Variants in RNF212 observed in about 807,000 individuals in gnomAD.
RNF212 encodes probable E3 SUMO-protein ligase RNF212.
RNF212 carries 33 observed loss-of-function variants against 34.7 expected under a neutral mutation model. The observed-to-expected ratio is 0.95, with a 90% CI of 0.72 to 1.27. RNF212 has a LOEUF of 1.27. RNF212 is among the 50% of genes most tolerant of loss of function. RNF212 has a pLI of 0.00. For synonymous variants in RNF212, 140 were observed against 136.1 expected (o/e 1.03, Z -0.20); for missense variants, 377 against 362.2 (o/e 1.04, Z -0.33).
chr4:1,083,275 G>C (rs1245495330), intron 5 of RNF212, among the ~76,000 whole-genome samples: 2 of 152,354 alleles, frequency 1.3e-5, no homozygotes, highest in East Asian at 3.9e-4. Context: ...ATGCAACAAT[G>C]AGCAAGGACT....
intron 4 of RNF212, among the ~76,000 whole-genome samples, chr4:1,088,821 A>G (rs1163940575): frequency 3.9e-5 from 6 of 152,230 alleles, no homozygotes; most frequent in Non-Finnish European, 8.8e-5. Context: ...GCTGCTTCAG[A>G]GGGAGCAAAC....
chr4:1,105,743 T>TA (rs1724711646), intron 2 of RNF212, among the ~76,000 whole-genome samples: 1 of 46,494 alleles, frequency 2.2e-5, no homozygotes, highest in South Asian at 1.6e-3. Flanking sequence ...ATATAAAGCG[T>TA]CCTTCCACCG....
At position 1,077,661 on chromosome 4, in the gene RNF212, C is replaced by T. The variant is rs147955506; in HGVS notation, c.510+1982G>A. The stretch of plus-strand genomic sequence containing the variant: ...GGGACTTGGAGGCTGTGAGTTCATC[C>T]GTGAAACAAGGCCCTAGTGCAGCAA... On this transcript the variant is annotated intron_variant, in intron 8 of 9. Coordinates refer to ENST00000433731, the MANE Select transcript of RNF212 (RefSeq NM_001131034.4). Among the ~76,000 whole-genome samples the T allele has an allele frequency of 4.9e-4, 74 of 152,312 alleles. 1 individual carries two copies. In the East Asian group the frequency reaches 0.011, roughly 22 times the overall value.
intron 8 of RNF212, among the ~76,000 whole-genome samples, chr4:1,078,922 C>CA (rs1560109341): frequency 8.0e-6 from 1 of 125,566 alleles, no homozygotes; most frequent in African/African-American, 3.0e-5. Flanking sequence ...AGGACCAACA[C>CA]GGGACCAACA....
intron 1 of RNF212, among the ~76,000 whole-genome samples, chr4:1,111,215 C>T (rs1042463254): frequency 1.3e-5 from 2 of 152,122 alleles, no homozygotes; most frequent in Admixed American, 6.5e-5. Flanking sequence ...TCTTTACCTC[C>T]TTCAACAAAT....
chr4:1,082,156 A>G (rs1484755611), intron 5 of RNF212, among the ~76,000 whole-genome samples: 1 of 152,190 alleles, frequency 6.6e-6, no homozygotes, highest in Non-Finnish European at 1.5e-5. Flanking sequence ...AGGGAAAGGA[A>G]AGAAAAGAGA....
In RNF212 at chr4:1,072,935, C is replaced by G. The variant is rs756131847; in HGVS notation, c.833G>C (p.Arg278Thr). 5.6e-6 allele frequency: 9 copies of G among 1,614,016 alleles called. No homozygotes were observed. Among genetic ancestry groups the G allele is most frequent in the South Asian group, 2.2e-5 (2 of 91,078 alleles). Residue 278 changes from arginine to threonine, a missense_variant, in exon 10 of 10, where the codon AGA (arginine) becomes ACA (threonine). Arg to Thr is a moderately conservative substitution (Grantham distance 71). Coordinates refer to ENST00000433731, the MANE Select transcript of RNF212 (RefSeq NM_001131034.4). ...QQAEGTLDTF[R>T]TPAVSVVFPL... is the part of the protein sequence containing the mutation. ...AAACACAACAGACACAGCGGGTGTT[C>G]TGAACGTGTCCAGGGTGCCCTCAGC...
intron 6 of RNF212, 29 bp from the exon 7 acceptor site, chr4:1,081,496 G>GT: frequency 6.2e-7 from 1 of 1,612,046 alleles, no homozygotes; most frequent in Non-Finnish European, 8.5e-7. Flanking sequence ...AAATGCCAGC[G>GT]TCAGTGCACA....
At chr4:1,093,802 G>C in intron 3 of RNF212, 1 of 1,536,308 alleles carries the variant, frequency 6.5e-7, no homozygotes, top group Non-Finnish European at 8.7e-7. Context: ...GGGTGAGGGG[G>C]TGAGGTGCGT....
intron 4 of RNF212, among the ~76,000 whole-genome samples, chr4:1,057,398 C>G (rs1007607601): frequency 1.3e-5 from 2 of 152,100 alleles, no homozygotes; most frequent in Non-Finnish European, 2.9e-5. Context: ...ACAGAGACGT[C>G]GGTGTGTGCT....
downstream of RNF212, among the ~76,000 whole-genome samples, chr4:1,067,686 G>A (rs77036576): frequency 1.3e-5 from 2 of 152,200 alleles, no homozygotes; most frequent in South Asian, 2.1e-4. Context: ...TCAACATGGT[G>A]AACTCCGTCT....
In RNF212 at chr4:1,113,528, G is replaced by T; in HGVS notation, c.-64C>A. 7.3e-7 allele frequency: 1 copy of T among 1,377,132 alleles called. No individual in the cohort carries two copies. The allele number at this position is 1,377,132 out of a possible 1,614,324, so 85.3% of individuals were successfully genotyped here. ...CGAAGCCCACGCAAGGTTGGGACCA[G>T]CCTCCCCGCGCAGGGCCCGAAGGCG... is the stretch of plus-strand genomic sequence containing the variant. On this transcript the variant is annotated 5_prime_UTR_variant, in exon 1 of 10. It adds an upstream start codon to the 5' untranslated region. Coordinates refer to ENST00000433731, the MANE Select transcript of RNF212 (RefSeq NM_001131034.4).
In RNF212 at chr4:1,090,822, T is replaced by TC. The variant is rs766978043; in HGVS notation, c.262dup (p.Glu88GlyfsTer12). The TC allele has an allele frequency of 6.3e-7, 1 of 1,591,866 alleles. No individual in the cohort carries two copies. The highest frequency in any genetic ancestry group is 8.6e-7 in the Non-Finnish European group (1 of 1,160,554). On this transcript the variant is annotated frameshift_variant, in exon 4 of 10. Coordinates refer to ENST00000433731, the MANE Select transcript of RNF212 (RefSeq NM_001131034.4). LOFTEE classifies it high-confidence loss of function. Reference sequence around the variant, plus strand: ...GGCTAACAATCTCTTCCTGTGTTTTTCTTGAAATTCTAAAATCTGAAAAGA... The same window carrying TC: ...GGCTAACAATCTCTTCCTGTGTTTTTCCTTGAAATTCTAAAATCTGAAAAGA...
chr4:1,104,502 G>A (rs1382274685), intron 2 of RNF212, among the ~76,000 whole-genome samples: 2 of 152,196 alleles, frequency 1.3e-5, no homozygotes, highest in Admixed American at 6.5e-5. Flanking sequence ...GCCAGGCCTG[G>A]AAGTGGTCTT....
intron 3 of RNF212, chr4:1,093,951 C>T (rs547644592): frequency 1.8e-5 from 28 of 1,536,158 alleles, no homozygotes; most frequent in South Asian, 1.1e-4. Flanking sequence ...CCTCTGGGCA[C>T]CTCCTTGGAG....
intron 3 of RNF212, among the ~76,000 whole-genome samples, chr4:1,061,511 G>A (rs1304093137): frequency 6.6e-6 from 1 of 152,204 alleles, no homozygotes; most frequent in Non-Finnish European, 1.5e-5. Context: ...CCTGTGCAGG[G>A]GGATCCAGCG....
intron 3 of RNF212, among the ~76,000 whole-genome samples, chr4:1,061,240 C>T (rs1485490322): frequency 1.3e-5 from 2 of 152,208 alleles, no homozygotes; most frequent in East Asian, 1.9e-4. Flanking sequence ...CCACTCTACC[C>T]AGCAAGAGCA....
intron 1 of RNF212, 69 bp downstream of exon 1, chr4:1,113,287 T>G: frequency 2.1e-5 from 1 of 48,556 alleles, no homozygotes; most frequent in Non-Finnish European, 4.4e-5. Flanking sequence ...AAGTCCCCCA[T>G]CCCCCGGAGT....
chr4:1,108,425 TTATTA>T, intron 1 of RNF212, 21 bp from the exon 2 acceptor site: 1 of 1,325,992 alleles, frequency 7.5e-7, no homozygotes, highest in Non-Finnish European at 1.0e-6. Flanking sequence ...AAAATAGGCT[TTATTA>T]TATTAGACTG....
Sources: allele counts gnomAD v4.1 joint callset (sites outside exome capture counted in the v4.1 genomes callset), GRCh38; gene constraint gnomAD v4.1.1; transcripts MANE v1.5; gene names NCBI Gene and HGNC (gene_info 2026-07-23, HGNC 2026-07-21).